MTERF4: variants seen among roughly 807,000 people sequenced by gnomAD.
MTERF4 encodes the protein mitochondrial transcription termination factor 4.
In MTERF4, 17 loss-of-function variants were observed where a neutral mutation model predicts 22.5. That is an observed-to-expected ratio of 0.75 (90% CI 0.52 to 1.13). MTERF4 has a LOEUF of 1.13. Ranked by LOEUF, MTERF4 falls within the 50% of genes most tolerant of loss-of-function variation. The pLI is 0.00. For missense variants in MTERF4, 420 were observed against 466.8 expected, an observed-to-expected ratio of 0.90 and a Z score of 0.92; for synonymous variants, 165 against 175.3, an observed-to-expected ratio of 0.94 and a Z score of 0.47.
At chr2:241,077,367 T>C (rs1038451409) in intron 4 of MTERF4, among the ~76,000 whole-genome samples, 1 of 152,014 alleles carries the variant, frequency 6.6e-6, no homozygotes, top group Non-Finnish European at 1.5e-5. Flanking sequence ...ATCATGAGGG[T>C]CCTTAGGCTC....
At chr2:241,043,380 C>T in the MTERF4 span, among the ~76,000 whole-genome samples, 1 of 152,150 alleles carries the variant, frequency 6.6e-6, no homozygotes, top group Non-Finnish European at 1.5e-5. Context: ...AAAGAAAAAA[C>T]CATCAACCTA....
chr2:241,094,285 C>T (rs776377296), downstream of MTERF4: 2 of 469,360 alleles, frequency 4.3e-6, no homozygotes, highest in South Asian at 3.1e-5. This position sits in a 1 kb window ranked among gnomAD's most constrained non-coding sequence, Gnocchi z 4.3. Context: ...ACCTCCTGCA[C>T]CTCCCCTTAG....
At chr2:241,062,599 A>G in the MTERF4 span, among the ~76,000 whole-genome samples, 1 of 152,192 alleles carries the variant, frequency 6.6e-6, no homozygotes, top group Non-Finnish European at 1.5e-5. Flanking sequence ...CTTCACAGAC[A>G]CAGCCAGGCA....
chr2:241,082,305 A>G (rs1049283332), downstream of MTERF4: 1 of 1,613,330 alleles, frequency 6.2e-7, no homozygotes, highest in African/African-American at 1.3e-5. Flanking sequence ...GCCCCTGCAC[A>G]AGGCTGTTCT....
rs1360228092 is a variant in MTERF4, at chr2:241,097,067, A to C, written c.705+176T>G. ...CTTTCACTTCCTCCACTCAAATATG[A>C]GGTGTCCGAGGCTTCTTATCCATAT... On this transcript the variant is annotated intron_variant, in intron 3 of 3. Coordinates refer to ENST00000391980, the MANE Select transcript of MTERF4 (RefSeq NM_182501.4). 1.4e-5 allele frequency: 9 copies of C among 663,806 alleles called. No individual in the cohort carries two copies. The South Asian group carries it at 1.8e-4, about 13-fold the overall frequency. The allele number at this position is 663,806 out of a possible 1,614,324, so 41.1% of individuals were successfully genotyped here.
intron 4 of MTERF4, among the ~76,000 whole-genome samples, chr2:241,076,476 T>C (rs1352158836): frequency 1.3e-5 from 2 of 152,256 alleles, no homozygotes; most frequent in Non-Finnish European, 1.5e-5. Context: ...ACTGACCTTA[T>C]AGCCAACCAT....
At chr2:241,090,435 TAGA>T (rs774649938), downstream of MTERF4, 26 of 1,545,874 alleles carry the variant, frequency 1.7e-5, no homozygotes, top group South Asian at 1.2e-4. Flanking sequence ...TTTTCATAAG[TAGA>T]AGGAGTACAC....
rs1413840724 is a variant in MTERF4, at chr2:241,099,791, T to C, written c.125A>G (p.Lys42Arg). The C allele has an allele frequency of 3.1e-6, 5 of 1,614,044 alleles. No individual in the cohort carries two copies. The African/African-American group carries it at 6.7e-5, about 22-fold the overall frequency. Reference sequence around the variant, plus strand: ...CCCTCCATTGGAGGCTGTAGTCAGTTTGCGCAACAAAGAAGCTGTCGTCCT... The same window carrying C: ...CCCTCCATTGGAGGCTGTAGTCAGTCTGCGCAACAAAGAAGCTGTCGTCCT... ...QRRTTASLLR[K>R]LTTASNGGVI... The change falls in exon 2 of 4, where the codon AAA (lysine) becomes AGA (arginine). Residue 42 changes from lysine (K) to arginine (R), a missense_variant. Transcript: ENST00000391980.
In MTERF4 at chr2:241,099,637, C is replaced by T; in HGVS notation, c.279G>A (p.Glu93=). Residue 93 remains glutamate (E), a synonymous_variant, in exon 2 of 4, where the codon GAG becomes GAA. Coordinates refer to ENST00000391980, the MANE Select transcript of MTERF4 (RefSeq NM_182501.4). ...TPVVQGSLEL[E]RVMSSLLDMG... is the part of the protein sequence containing the mutation. ...TGTCCAGGAGGGAACTCATGACCCT[C>T]TCTAGCTCCAAGGACCCTTGTACCA... is the stretch of plus-strand genomic sequence containing the variant. 6.2e-7 allele frequency: 1 copy of T among 1,614,228 alleles called. No homozygotes were observed. The highest frequency in any genetic ancestry group is 8.5e-7 in the Non-Finnish European group (1 of 1,180,048).
chr2:241,097,318 C>T lies in MTERF4; in HGVS notation c.630G>A (p.Gln210=). Residue 210 remains glutamine, a synonymous_variant, in exon 3 of 4, where the codon CAG becomes CAA. Transcript: ENST00000391980. ...AACTGTGCAAAATCTTGGTGACTTG[C>T]TGTACCGTGAAAAGGCACTTCTCCT... ...LLKEKCLFTV[Q]QVTKILHSCP... is the part of the protein sequence containing the mutation. 6.2e-7 allele frequency: 1 copy of T among 1,614,206 alleles called. No homozygotes were observed. The highest frequency in any genetic ancestry group is 8.5e-7 in the Non-Finnish European group (1 of 1,180,038).
the MTERF4 span, chr2:241,053,442 T>G: frequency 9.6e-7 from 1 of 1,042,700 alleles, no homozygotes. Flanking sequence ...TCTGACCTGG[T>G]CCTGCCCCTG....
the MTERF4 span, among the ~76,000 whole-genome samples, chr2:241,063,126 C>A: frequency 6.6e-6 from 1 of 152,236 alleles, no homozygotes; most frequent in Non-Finnish European, 1.5e-5. Context: ...AAATGCTGGC[C>A]TGGCTTCAGG....
chr2:241,098,426 C>T (rs1361678283), intron 2 of MTERF4, among the ~76,000 whole-genome samples: 1 of 152,166 alleles, frequency 6.6e-6, no homozygotes, highest in Non-Finnish European at 1.5e-5. Flanking sequence ...GTCAATAATG[C>T]AAAGAAATAA....
chr2:241,087,764 T>C, downstream of MTERF4: 3 of 1,165,388 alleles, frequency 2.6e-6, no homozygotes, highest in Middle Eastern at 3.1e-4. Context: ...AAGCACAGGG[T>C]GTTACGGACA....
chr2:241,064,347 C>T, the MTERF4 span, among the ~76,000 whole-genome samples: 7 of 152,112 alleles, frequency 4.6e-5, no homozygotes, highest in African/African-American at 1.2e-4. This position sits in a 1 kb window ranked among gnomAD's most constrained non-coding sequence, Gnocchi z 7.0. Flanking sequence ...CTCCTGCGCT[C>T]ACCCCCCAGA....
At chr2:241,050,738 A>G in the MTERF4 span, among the ~76,000 whole-genome samples, 1 of 151,926 alleles carries the variant, frequency 6.6e-6, no homozygotes, top group Non-Finnish European at 1.5e-5. Flanking sequence ...TCCTAGGACC[A>G]CCCTGAGGCC....
chr2:241,052,859 G>A, the MTERF4 span, among the ~76,000 whole-genome samples: 1 of 109,210 alleles, frequency 9.2e-6, no homozygotes, highest in Non-Finnish European at 2.2e-5. Context: ...TGGCCGGGGG[G>A]CCGAGCAGGG....
intron 2 of MTERF4, 48 bp from the exon 3 acceptor site, chr2:241,097,475 G>C: frequency 1.3e-6 from 2 of 1,558,358 alleles, no homozygotes; most frequent in Non-Finnish European, 1.7e-6. Context: ...GGATACTCCA[G>C]AAACTCAAGG....
At chr2:241,054,317 A>T in the MTERF4 span, among the ~76,000 whole-genome samples, 1 of 152,246 alleles carries the variant, frequency 6.6e-6, no homozygotes, top group Admixed American at 6.5e-5. Flanking sequence ...TCCAGAAAAT[A>T]TGTATGATCG....
Sources: gnomAD v4.1 joint callset for allele counts (sites outside exome capture counted in the v4.1 genomes callset) on GRCh38, gnomAD v4.1.1 for gene constraint, Gnocchi (gnomAD v3.1) non-coding constraint, MANE v1.5 for transcripts, NCBI Gene and HGNC (gene_info 2026-07-23, HGNC 2026-07-21) for gene names.